Variants in UBE2E2 observed in about 807,000 individuals in gnomAD.
The protein encoded by UBE2E2 is ubiquitin conjugating enzyme E2 E2, also known as ubiquitin-conjugating enzyme E2 E2.
UBE2E2 carries 6 observed loss-of-function variants against 24.7 expected under a neutral mutation model. The observed-to-expected ratio is 0.24, with a 90% CI of 0.13 to 0.48. The LOEUF is 0.48. UBE2E2 is among the 20% of genes least tolerant of loss of function. The probability of loss-of-function intolerance (pLI) is 0.99; values close to 1 mark genes in which losing one functional copy is unlikely to be tolerated. For synonymous variants in UBE2E2, 104 were observed against 83.6 expected (o/e 1.24, Z -1.33); for missense variants, 169 against 245.0 (o/e 0.69, Z 2.07).
At chr3:23,232,219 G>A (rs1696994288) in intron 3 of UBE2E2, among the ~76,000 whole-genome samples, 1 of 152,182 alleles carries the variant, frequency 6.6e-6, no homozygotes, top group Non-Finnish European at 1.5e-5. Flanking sequence ...ATCAGTCTTG[G>A]CATACCAAAA....
chr3:23,585,958 A>G (rs1403822360), intron 5 of UBE2E2, among the ~76,000 whole-genome samples: 1 of 150,280 alleles, frequency 6.7e-6, no homozygotes, highest in Non-Finnish European at 1.5e-5. Context: ...TTTATTTACC[A>G]TTTATTAAGT....
intron 4 of UBE2E2, among the ~76,000 whole-genome samples, chr3:23,528,119 G>A (rs748929020): frequency 4.6e-5 from 7 of 152,158 alleles, no homozygotes; most frequent in African/African-American, 7.2e-5. Context: ...GAATTGAACT[G>A]TGGGACACCC....
chr3:23,434,518 A>G (rs1698140155), intron 3 of UBE2E2, among the ~76,000 whole-genome samples: 1 of 152,168 alleles, frequency 6.6e-6, no homozygotes, highest in Admixed American at 6.5e-5. Flanking sequence ...AGGAGTTCTC[A>G]CTATATTGTG....
At chr3:23,392,952 T>C (rs1316276503) in intron 3 of UBE2E2, among the ~76,000 whole-genome samples, 1 of 152,138 alleles carries the variant, frequency 6.6e-6, no homozygotes, top group Non-Finnish European at 1.5e-5. Flanking sequence ...AGGACAAGTA[T>C]AGGCCACAAG....
intron 3 of UBE2E2, among the ~76,000 whole-genome samples, chr3:23,240,648 C>T (rs1162334726): frequency 1.3e-5 from 2 of 152,204 alleles, no homozygotes; most frequent in African/African-American, 4.8e-5. Context: ...GATCTCTTGG[C>T]ATTTTCACTT....
intron 3 of UBE2E2, among the ~76,000 whole-genome samples, chr3:23,386,274 T>A (rs2125356226): frequency 6.6e-6 from 1 of 152,106 alleles, no homozygotes; most frequent in Non-Finnish European, 1.5e-5. Context: ...CTTCCTTGTT[T>A]ATAGAACAGC....
intron 3 of UBE2E2, among the ~76,000 whole-genome samples, chr3:23,453,377 T>A (rs1265557587): frequency 6.6e-6 from 1 of 152,010 alleles, no homozygotes; most frequent in Non-Finnish European, 1.5e-5. Flanking sequence ...AAGAAAAAAA[T>A]ACTTTATATC....
intron 1 of UBE2E2, chr3:23,204,762 A>G: frequency 9.1e-6 from 9 of 985,348 alleles, no homozygotes; most frequent in Non-Finnish European, 1.1e-5. Flanking sequence ...TTAAAGCTGG[A>G]TATTGCTGTG....
intron 5 of UBE2E2, among the ~76,000 whole-genome samples, chr3:23,538,826 AAAT>A (rs1695323774): frequency 6.6e-6 from 1 of 152,210 alleles, no homozygotes; most frequent in Non-Finnish European, 1.5e-5. Flanking sequence ...ACATATTTGT[AAAT>A]GCAAATTTTA....
chr3:23,439,216 T>C (rs1367020803), intron 3 of UBE2E2, among the ~76,000 whole-genome samples: 1 of 152,242 alleles, frequency 6.6e-6, no homozygotes, highest in East Asian at 1.9e-4. Context: ...AGGGGAAGGC[T>C]AACCTGAGAC....
At chr3:23,399,250 C>T (rs1204325461) in intron 3 of UBE2E2, among the ~76,000 whole-genome samples, 2 of 152,142 alleles carry the variant, frequency 1.3e-5, no homozygotes, top group Non-Finnish European at 2.9e-5. Context: ...TATGCCTTCT[C>T]TTTGGCATAT....
chr3:23,397,331 A>G lies in UBE2E2; in HGVS notation c.228-102277A>G, dbSNP rs1372317301. ...TATGACAAGATAGTGACTACAGATAACTACTAATAAGTAATTACTGGTAAA... is the reference window on the plus strand; with the variant it reads ...TATGACAAGATAGTGACTACAGATAGCTACTAATAAGTAATTACTGGTAAA... On this transcript the variant is annotated intron_variant, in intron 3 of 5. Coordinates refer to ENST00000396703, the MANE Select transcript of UBE2E2 (RefSeq NM_152653.4). Among the ~76,000 whole-genome samples the G allele has an allele frequency of 3.9e-5, 6 of 152,334 alleles. No individual in the cohort carries two copies. The East Asian group carries it at 1.2e-3, about 29-fold the overall frequency.
intron 3 of UBE2E2, among the ~76,000 whole-genome samples, chr3:23,225,268 A>G (rs6550747): frequency 0.99 from 150,118 of 151,622 alleles, 74,328 homozygotes; most frequent in Middle Eastern, 1. Flanking sequence ...TTTCTTGATA[A>G]TGACCTTTGA....
At chr3:23,555,684 A>C (rs754462718) in intron 5 of UBE2E2, among the ~76,000 whole-genome samples, 1 of 152,182 alleles carries the variant, frequency 6.6e-6, no homozygotes, top group Non-Finnish European at 1.5e-5. Flanking sequence ...ACGCACATAC[A>C]CAGAGCAGAA....
At chr3:23,282,414 TTC>T (rs1004230581) in intron 3 of UBE2E2, among the ~76,000 whole-genome samples, 4 of 152,234 alleles carry the variant, frequency 2.6e-5, no homozygotes, top group African/African-American at 7.2e-5. Context: ...TTCCTTGCTC[TTC>T]TCTCAGCAGA....
chr3:23,505,828 C>G (rs1694440899), intron 4 of UBE2E2, among the ~76,000 whole-genome samples: 1 of 152,148 alleles, frequency 6.6e-6, no homozygotes. Flanking sequence ...TAGATGGGGT[C>G]TTCAGGTTTT....
intron 3 of UBE2E2, among the ~76,000 whole-genome samples, chr3:23,457,715 T>TGTGTTGC (rs1698711734): frequency 6.6e-6 from 1 of 152,216 alleles, no homozygotes; most frequent in Admixed American, 6.5e-5. Context: ...GGGATCTCCC[T>TGTGTTGC]GTGTTGCCCA....
intron 4 of UBE2E2, among the ~76,000 whole-genome samples, chr3:23,503,152 T>C (rs576146496): frequency 6.9e-6 from 1 of 144,982 alleles, no homozygotes; most frequent in African/African-American, 2.5e-5. Context: ...TTTTTTGGGG[T>C]TTTTTTTTTG....
chr3:23,382,250 C>T (rs986201547), intron 3 of UBE2E2, among the ~76,000 whole-genome samples: 4 of 133,522 alleles, frequency 3.0e-5, no homozygotes, highest in Admixed American at 9.4e-5. Flanking sequence ...GGCGCAATCT[C>T]GGCTCACCGC....
Sources: allele counts gnomAD v4.1 joint callset (sites outside exome capture counted in the v4.1 genomes callset), GRCh38; gene constraint gnomAD v4.1.1; transcripts MANE v1.5; gene names NCBI Gene and HGNC (gene_info 2026-07-23, HGNC 2026-07-21).